The following MYO18B variants were observed in gnomAD, a reference collection of about 807,000 sequenced individuals.
MYO18B encodes unconventional myosin-XVIIIb.
MYO18B carries 204 observed loss-of-function variants against 273.0 expected under a neutral mutation model. That is an observed-to-expected ratio of 0.75 (90% CI 0.67 to 0.84). The LOEUF is 0.84. Ranked by LOEUF, MYO18B falls within the 40% of genes least tolerant of loss-of-function variation. The pLI, the probability that MYO18B is intolerant of heterozygous loss-of-function variation, is 0.00. For missense variants in MYO18B, 3,212 were observed against 3,287.6 expected, an observed-to-expected ratio of 0.98 and a Z score of 0.56; for synonymous variants, 1,330 against 1,305.7, an observed-to-expected ratio of 1.02 and a Z score of -0.40.
chr22:25,872,852 T>G (rs2091085001), intron 22 of MYO18B, among the ~76,000 whole-genome samples: 1 of 152,176 alleles, frequency 6.6e-6, no homozygotes, highest in South Asian at 2.1e-4. Flanking sequence ...TACAGAGTTA[T>G]CCAGTGTCTC....
chr22:25,829,321 G>A (rs1397355292), intron 15 of MYO18B, among the ~76,000 whole-genome samples: 1 of 152,150 alleles, frequency 6.6e-6, no homozygotes, highest in Non-Finnish European at 1.5e-5. Flanking sequence ...CCCAGGGGGG[G>A]AATGCCCTTT....
intron 42 of MYO18B, among the ~76,000 whole-genome samples, chr22:26,008,978 G>A (rs1466771607): frequency 6.6e-6 from 1 of 152,168 alleles, no homozygotes; most frequent in Non-Finnish European, 1.5e-5. Flanking sequence ...CACTCACCCT[G>A]TTCTGCAAGG....
At chr22:25,844,361 A>G (rs898367457) in intron 18 of MYO18B, among the ~76,000 whole-genome samples, 4 of 142,072 alleles carry the variant, frequency 2.8e-5, no homozygotes, top group African/African-American at 9.9e-5. Flanking sequence ...TTATTGGAAA[A>G]TGCTGTGTGT....
At chr22:25,889,805 G>A (rs1198298388) in intron 25 of MYO18B, among the ~76,000 whole-genome samples, 1 of 152,080 alleles carries the variant, frequency 6.6e-6, no homozygotes. Flanking sequence ...ACCAGTGCAG[G>A]TGGGAATTCA....
At chr22:25,818,699 C>T (rs1215786368) in intron 12 of MYO18B, among the ~76,000 whole-genome samples, 1 of 152,160 alleles carries the variant, frequency 6.6e-6, no homozygotes, top group Non-Finnish European at 1.5e-5. Flanking sequence ...GTCTCTGCAG[C>T]CAGCAGGACA....
Position 25,891,332 on chromosome 22 carries a change from T to G in MYO18B, c.4463T>G (p.Leu1488Arg). The G allele has an allele frequency of 6.3e-7, 1 of 1,579,442 alleles. No homozygotes were observed. Among genetic ancestry groups the G allele is most frequent in the Non-Finnish European group, 8.6e-7 (1 of 1,162,270 alleles). ...KSKHEQVQKK[L>R]GDVNKQLEEA... Reference sequence around the variant, plus strand: ...AAGCATGAACAAGTCCAGAAAAAACTGGGAGATGTGAATAAACAGTTGGAA... The same window carrying G: ...AAGCATGAACAAGTCCAGAAAAAACGGGGAGATGTGAATAAACAGTTGGAA... The change falls in exon 27 of 44, where the codon CTG becomes CGG. Residue 1488 changes from leucine to arginine, a missense_variant. Leu to Arg is a moderately radical substitution (Grantham distance 102). Transcript: ENST00000335473.
At chr22:25,814,137 T>G (rs906975965) in intron 12 of MYO18B, among the ~76,000 whole-genome samples, 2 of 152,022 alleles carry the variant, frequency 1.3e-5, no homozygotes, top group African/African-American at 4.8e-5. Context: ...GTGAGGAGAT[T>G]AGGACACCTG....
In MYO18B at chr22:25,947,951, A is replaced by G. The variant is rs562533598; in HGVS notation, c.5748+123A>G. On this transcript the variant is annotated intron_variant, in intron 36 of 43. Transcript: ENST00000335473. ...TAACATCTTGGAGGGATAAGTGCACAGAGATAGTTAGGAATTGTGCATTTC... is the reference window on the plus strand; with the variant it reads ...TAACATCTTGGAGGGATAAGTGCACGGAGATAGTTAGGAATTGTGCATTTC... 4 of 693,556 alleles carry G rather than the reference A, an allele frequency of 5.8e-6. No homozygotes were observed. The East Asian group carries it at 8.2e-5, about 14-fold the overall frequency. 43.0% of individuals were successfully genotyped at this position (693,556 alleles called of 1,614,324 possible). A position where few individuals can be genotyped will look rare whatever the true frequency, so the allele number is the denominator to read the frequency against.
chr22:25,922,347 T>C (rs13053566), intron 34 of MYO18B, among the ~76,000 whole-genome samples: 8,140 of 152,088 alleles, frequency 0.054, 436 homozygotes, highest in African/African-American at 0.13. Context: ...TGTGGGCGGT[T>C]GCGGTGGCAG....
chr22:25,945,458 A>G (rs2092692867), intron 34 of MYO18B, among the ~76,000 whole-genome samples: 1 of 152,082 alleles, frequency 6.6e-6, no homozygotes, highest in African/African-American at 2.4e-5. Context: ...GATTTGCTGA[A>G]TGGAACTGAA....
chr22:25,777,448 G>A lies in MYO18B; in HGVS notation c.1870-135G>A, dbSNP rs1289793621. ...TGGCTCCTCCTAGTCGAGTAGGAAG[G>A]GAGTCAGGGATCTGGAGGCAGATCT... is the stretch of plus-strand genomic sequence containing the variant. On this transcript the variant is annotated intron_variant, in intron 7 of 43. Transcript: ENST00000335473. 3 of 823,460 alleles carry A rather than the reference G, an allele frequency of 3.6e-6. No individual in the cohort carries two copies. In the South Asian group the frequency reaches 6.7e-5, roughly 19 times the overall value. 51.0% of individuals were successfully genotyped at this position (823,460 alleles called of 1,614,324 possible).
chr22:25,759,442 G>A (rs548997247), intron 1 of MYO18B, among the ~76,000 whole-genome samples: 1 of 151,916 alleles, frequency 6.6e-6, no homozygotes, highest in African/African-American at 2.4e-5. Flanking sequence ...AACACTGCAC[G>A]TTCTCACTCA....
chr22:25,983,168 A>G, intron 39 of MYO18B: 1 of 152,294 alleles, frequency 6.6e-6, no homozygotes, highest in Non-Finnish European at 1.5e-5. Flanking sequence ...CCAGAGTTCA[A>G]GGTCAGCCAG....
Position 25,835,846 on chromosome 22 carries a change from G to A in MYO18B, c.3208+403G>A, listed in dbSNP as rs1028104316. Among the ~76,000 whole-genome samples, 4 of 152,364 alleles carry A rather than the reference G, an allele frequency of 2.6e-5. 1 individual carries two copies. In the South Asian group the frequency reaches 6.2e-4, roughly 24 times the overall value. ...GAGCCAGGAACACGATGCAGGACAA[G>A]TTTGGAGATGGCTTCTGGGCTCAGA... On this transcript the variant is annotated intron_variant, in intron 17 of 43. Transcript: ENST00000335473.
intron 15 of MYO18B, among the ~76,000 whole-genome samples, chr22:25,832,494 C>CAT (rs2089744950): frequency 6.6e-6 from 1 of 152,130 alleles, no homozygotes; most frequent in African/African-American, 2.4e-5. Flanking sequence ...ACCCTGAGGA[C>CAT]ATTATGCTAA....
intron 12 of MYO18B, among the ~76,000 whole-genome samples, chr22:25,821,595 G>C: frequency 6.6e-6 from 1 of 152,158 alleles, no homozygotes; most frequent in Non-Finnish European, 1.5e-5. Context: ...GGCTAACACA[G>C]TGAGACCCTG....
At chr22:25,784,501 C>G (rs1471420985) in intron 10 of MYO18B, among the ~76,000 whole-genome samples, 2 of 152,222 alleles carry the variant, frequency 1.3e-5, no homozygotes, top group Admixed American at 1.3e-4. Flanking sequence ...TGAAGCCTAG[C>G]TGGTAAGACT....
intron 40 of MYO18B, among the ~76,000 whole-genome samples, chr22:26,000,671 G>A (rs375936658): frequency 2.0e-5 from 3 of 149,942 alleles, no homozygotes; most frequent in East Asian, 2.0e-4. Context: ...GCATTTGTTC[G>A]TACAATAAAC....
At chr22:25,935,496 T>A (rs2092565265) in intron 34 of MYO18B, among the ~76,000 whole-genome samples, 1 of 151,904 alleles carries the variant, frequency 6.6e-6, no homozygotes. Context: ...ATGAACTTGC[T>A]CTATAGGAAA....
Sources: gnomAD v4.1 joint callset for allele counts (sites outside exome capture counted in the v4.1 genomes callset) on GRCh38, gnomAD v4.1.1 for gene constraint, MANE v1.5 for transcripts, NCBI Gene and HGNC (gene_info 2026-07-23, HGNC 2026-07-21) for gene names.